Variants in ERC2 observed in about 807,000 individuals in gnomAD.
ERC2 encodes ELKS/RAB6-interacting/CAST family member 2, also known as ERC protein 2.
Under a neutral mutation model 114.8 loss-of-function variants are expected in ERC2, and 42 were observed. That is an observed-to-expected ratio of 0.37 (90% CI 0.29 to 0.47). The LOEUF (loss-of-function observed/expected upper bound fraction) is 0.47, where lower values mean the gene tolerates loss of function less well. ERC2 is among the 20% of genes least tolerant of loss of function. The pLI is 0.99. For missense variants in ERC2, 939 were observed against 1,150.7 expected (o/e 0.82, Z 2.66); for synonymous variants, 454 against 425.5 (o/e 1.07, Z -0.82).
At chr3:55,898,992 C>T (rs1265435019) in intron 13 of ERC2, among the ~76,000 whole-genome samples, 1 of 152,144 alleles carries the variant, frequency 6.6e-6, no homozygotes, top group South Asian at 2.1e-4. Context: ...TAACTACATG[C>T]GGCACTTCCA....
intron 3 of ERC2, among the ~76,000 whole-genome samples, chr3:56,234,380 T>A (rs1470830600): frequency 6.6e-6 from 1 of 152,242 alleles, no homozygotes; most frequent in South Asian, 2.1e-4. Flanking sequence ...GGTTTTTTTA[T>A]AAGTTCAAAT....
At chr3:55,605,592 G>GA (rs2058608712) in intron 17 of ERC2, among the ~76,000 whole-genome samples, 1 of 152,198 alleles carries the variant, frequency 6.6e-6, no homozygotes, top group Non-Finnish European at 1.5e-5. Flanking sequence ...AGACACTTCA[G>GA]AGGCTGTACT....
chr3:55,564,046 G>C (rs1010338904), intron 17 of ERC2, among the ~76,000 whole-genome samples: 1 of 152,206 alleles, frequency 6.6e-6, no homozygotes, highest in Non-Finnish European at 1.5e-5. Flanking sequence ...AATCTAATTT[G>C]TGTTCAGTTT....
rs559329212 is a variant in ERC2, at chr3:55,527,024, G to A, written c.*40-15748C>T. Among the ~76,000 whole-genome samples, 3 of 152,364 alleles carry A rather than the reference G, an allele frequency of 2.0e-5. No individual in the cohort carries two copies. The East Asian group carries it at 5.8e-4, about 29-fold the overall frequency. On this transcript the variant is annotated intron_variant, in intron 17 of 17. Transcript: ENST00000288221. ...TGGCCACCCCAGTTCTGGCCTGGAT[G>A]GGGGCAGGAGAGTCAGGAAGTATCC...
chr3:56,309,406 T>C (rs761592737), intron 2 of ERC2, among the ~76,000 whole-genome samples: 25 of 152,252 alleles, frequency 1.6e-4, no homozygotes, highest in Non-Finnish European at 2.9e-4. Flanking sequence ...AGAGGAGTTC[T>C]GGTTTTCATT....
At chr3:56,395,387 ACATTG>A (rs1560742280) in intron 2 of ERC2, among the ~76,000 whole-genome samples, 1 of 152,192 alleles carries the variant, frequency 6.6e-6, no homozygotes, top group African/African-American at 2.4e-5. Flanking sequence ...AAATACTTTA[ACATTG>A]TCTTTGAATT....
chr3:55,572,370 C>G (rs904087705), intron 17 of ERC2, among the ~76,000 whole-genome samples: 2 of 152,136 alleles, frequency 1.3e-5, no homozygotes, highest in East Asian at 1.9e-4. Context: ...GAGGGAACAC[C>G]CTTCCTGGCG....
rs550179672 is a variant in ERC2 at position 55,742,351 on chromosome 3, A to G, written c.2565-7433T>C. Reference sequence around the variant, plus strand: ...TGATTTGAGCTCTGAAAGAGGATCTAAAATTAATTTCAGGAGTTGCAAATG... The same window carrying G: ...TGATTTGAGCTCTGAAAGAGGATCTGAAATTAATTTCAGGAGTTGCAAATG... On this transcript the variant is annotated intron_variant, in intron 14 of 17. Coordinates refer to ENST00000288221, the MANE Select transcript of ERC2 (RefSeq NM_015576.3). 2.0e-5 allele frequency among the ~76,000 whole-genome samples: 3 copies of G among 152,348 alleles called. No individual in the cohort carries two copies. The South Asian group carries it at 6.2e-4, about 32-fold the overall frequency.
intron 17 of ERC2, among the ~76,000 whole-genome samples, chr3:55,656,204 A>G (rs2060858046): frequency 6.6e-6 from 1 of 152,156 alleles, no homozygotes; most frequent in African/African-American, 2.4e-5. Context: ...CAGTGGTGCA[A>G]TCATAGCTCA....
At chr3:55,799,362 T>C (rs2149095423) in intron 14 of ERC2, among the ~76,000 whole-genome samples, 1 of 133,698 alleles carries the variant, frequency 7.5e-6, no homozygotes, top group South Asian at 2.5e-4. Flanking sequence ...ACCACAATTC[T>C]TATATATATA....
chr3:56,395,234 T>C (rs538984731), intron 2 of ERC2, among the ~76,000 whole-genome samples: 1 of 152,328 alleles, frequency 6.6e-6, no homozygotes, highest in South Asian at 2.1e-4. Context: ...TTAATTATAC[T>C]TTAAAAATCA....
chr3:56,429,204 T>C (rs1312133319), intron 2 of ERC2, among the ~76,000 whole-genome samples: 2 of 152,220 alleles, frequency 1.3e-5, no homozygotes, highest in Admixed American at 6.5e-5. Context: ...GATAAACCTA[T>C]ATTCTTTTAG....
chr3:55,964,467 T>G (rs1449097520), intron 12 of ERC2, among the ~76,000 whole-genome samples: 1 of 151,744 alleles, frequency 6.6e-6, no homozygotes, highest in Non-Finnish European at 1.5e-5. Context: ...CTTTTTTTTT[T>G]TCTATGAGGT....
intron 2 of ERC2, among the ~76,000 whole-genome samples, chr3:56,363,531 A>G (rs573210527): frequency 3.3e-5 from 5 of 152,314 alleles, no homozygotes; most frequent in African/African-American, 9.6e-5. Flanking sequence ...CAAATAGGGC[A>G]GTGACACAGC....
At chr3:55,855,823 T>A (rs1331313484) in intron 14 of ERC2, among the ~76,000 whole-genome samples, 1 of 152,222 alleles carries the variant, frequency 6.6e-6, no homozygotes, top group Admixed American at 6.5e-5. Context: ...ATGGGACTCA[T>A]ACTTTCTTTG....
intron 2 of ERC2, among the ~76,000 whole-genome samples, chr3:56,390,001 G>GA (rs2060070832): frequency 6.6e-6 from 1 of 152,018 alleles, no homozygotes; most frequent in Admixed American, 6.5e-5. Context: ...TTTTAACAAT[G>GA]AAAAATCATT....
At chr3:55,897,488 T>C (rs1173113885) in intron 13 of ERC2, among the ~76,000 whole-genome samples, 1 of 152,192 alleles carries the variant, frequency 6.6e-6, no homozygotes, top group South Asian at 2.1e-4. Context: ...TGCAAGAGGA[T>C]GGCAGTTTTC....
chr3:55,726,070 T>C (rs960758391), intron 15 of ERC2, among the ~76,000 whole-genome samples: 2 of 152,244 alleles, frequency 1.3e-5, no homozygotes, highest in African/African-American at 4.8e-5. Flanking sequence ...AGGGGTTCTC[T>C]AGAATAGACT....
intron 2 of ERC2, among the ~76,000 whole-genome samples, chr3:56,419,003 G>A (rs531892470): frequency 1.3e-5 from 2 of 152,258 alleles, no homozygotes; most frequent in East Asian, 1.9e-4. Context: ...AAGTTCCAAG[G>A]TAGAGTCAAC....
Sources: allele counts gnomAD v4.1 joint callset (sites outside exome capture counted in the v4.1 genomes callset), GRCh38; gene constraint gnomAD v4.1.1; transcripts MANE v1.5; gene names NCBI Gene and HGNC (gene_info 2026-07-23, HGNC 2026-07-21).